The following LRBA variants were observed in gnomAD, a reference collection of about 807,000 sequenced individuals.
LRBA encodes the protein LPS responsive beige-like anchor protein.
Under a neutral mutation model 330.0 loss-of-function variants are expected in LRBA, and 176 were observed. That is an observed-to-expected ratio of 0.53 (90% CI 0.47 to 0.60). The LOEUF (loss-of-function observed/expected upper bound fraction) is 0.60, where lower values mean the gene tolerates loss of function less well. LRBA is among the 20% of genes least tolerant of loss of function. The pLI is 0.00. For synonymous variants in LRBA, 1,230 were observed against 1,193.0 expected, an observed-to-expected ratio of 1.03 and a Z score of -0.64; for missense variants, 3,259 against 3,444.8, an observed-to-expected ratio of 0.95 and a Z score of 1.35.
chr4:150,284,513 CTGAGTA>C (rs1256514245), intron 54 of LRBA, among the ~76,000 whole-genome samples: 1 of 152,046 alleles, frequency 6.6e-6, no homozygotes, highest in Non-Finnish European at 1.5e-5. Context: ...ATATGTATAA[CTGAGTA>C]TGAGTTTTTA....
chr4:150,730,379 C>T (rs893994314), intron 36 of LRBA, among the ~76,000 whole-genome samples: 3 of 152,038 alleles, frequency 2.0e-5, no homozygotes, highest in Non-Finnish European at 2.9e-5. Context: ...AAATGGCAAA[C>T]AGGCACATGA....
intron 37 of LRBA, among the ~76,000 whole-genome samples, chr4:150,617,730 T>C (rs1277566711): frequency 3.3e-5 from 5 of 152,188 alleles, no homozygotes; most frequent in African/African-American, 1.2e-4. Flanking sequence ...ACAGAAGCCA[T>C]ATAGGCTACG....
intron 37 of LRBA, among the ~76,000 whole-genome samples, chr4:150,626,244 AT>A (rs1776852592): frequency 6.6e-6 from 1 of 152,126 alleles, no homozygotes. Context: ...AAGTTGTTTG[AT>A]TAGACCCTTC....
At chr4:150,744,096 T>C (rs1010736470) in intron 35 of LRBA, among the ~76,000 whole-genome samples, 3 of 152,288 alleles carry the variant, frequency 2.0e-5, no homozygotes, top group African/African-American at 7.2e-5. Context: ...ACAGTACTCA[T>C]TTAGGCATTA....
chr4:150,476,391 G>A (rs1183427518), intron 42 of LRBA, among the ~76,000 whole-genome samples: 3 of 152,084 alleles, frequency 2.0e-5, no homozygotes, highest in Non-Finnish European at 2.9e-5. Flanking sequence ...TAGCTACATG[G>A]CAGAGACATG....
chr4:150,726,275 C>A (rs1339505872), intron 36 of LRBA, among the ~76,000 whole-genome samples: 1 of 152,154 alleles, frequency 6.6e-6, no homozygotes, highest in East Asian at 1.9e-4. Flanking sequence ...TAAAGTTACA[C>A]ATAGACTGAA....
chr4:150,516,246 T>G, intron 40 of LRBA, among the ~76,000 whole-genome samples: 1 of 121,528 alleles, frequency 8.2e-6, no homozygotes, highest in Non-Finnish European at 1.7e-5. Flanking sequence ...TTTTTTTTGC[T>G]AAGTACCTGT....
At chr4:150,393,578 G>C (rs1206010326) in intron 47 of LRBA, among the ~76,000 whole-genome samples, 2 of 150,666 alleles carry the variant, frequency 1.3e-5, no homozygotes, top group Non-Finnish European at 3.0e-5. Flanking sequence ...TCAAACTCCT[G>C]GGCTCAAGTG....
chr4:150,277,066 C>T (rs1259697650), intron 56 of LRBA, among the ~76,000 whole-genome samples: 3 of 152,210 alleles, frequency 2.0e-5, no homozygotes, highest in Non-Finnish European at 4.4e-5. Context: ...AAATGTGGCA[C>T]ATATACGCCA....
Position 150,358,471 on chromosome 4 carries a change from A to G in LRBA, c.7195-8312T>C, listed in dbSNP as rs185026444. 2.6e-5 allele frequency among the ~76,000 whole-genome samples: 4 copies of G among 152,238 alleles called. No individual in the cohort carries two copies. In the East Asian group the frequency reaches 7.7e-4, roughly 29 times the overall value. ...CATCAAAAACTTCCAAATTCCAAAC[A>G]TGATGCTGTAATATTTATAGACATT... On this transcript the variant is annotated intron_variant, in intron 47 of 56. Transcript: ENST00000651943.
At chr4:150,427,430 T>C (rs1749784338) in intron 46 of LRBA, among the ~76,000 whole-genome samples, 1 of 151,978 alleles carries the variant, frequency 6.6e-6, no homozygotes, top group African/African-American at 2.4e-5. Context: ...TTTAACCTAC[T>C]GATACTTGAA....
chr4:150,657,625 C>G (rs148380551), intron 37 of LRBA, among the ~76,000 whole-genome samples: 1 of 151,634 alleles, frequency 6.6e-6, no homozygotes, highest in South Asian at 2.1e-4. Flanking sequence ...ACAGTTTCCC[C>G]AAAACTAAGA....
intron 2 of LRBA, among the ~76,000 whole-genome samples, chr4:151,004,674 G>C (rs1743799208): frequency 6.6e-6 from 1 of 152,234 alleles, no homozygotes; most frequent in African/African-American, 2.4e-5. Context: ...TAATATATTA[G>C]AAGATAAATC....
intron 48 of LRBA, among the ~76,000 whole-genome samples, chr4:150,328,262 G>T (rs1234818861): frequency 6.6e-6 from 1 of 152,180 alleles, no homozygotes; most frequent in East Asian, 1.9e-4. Context: ...CAGACACATG[G>T]AATCCAACGT....
intron 47 of LRBA, among the ~76,000 whole-genome samples, chr4:150,370,710 G>A (rs913337433): frequency 2.6e-5 from 4 of 152,212 alleles, no homozygotes; most frequent in Middle Eastern, 3.4e-3. Context: ...TTATAACACA[G>A]TAAGTGTACC....
intron 31 of LRBA, among the ~76,000 whole-genome samples, chr4:150,809,897 TACGATACGATACGATACGATACGATAC>T (rs1560850132): frequency 6.6e-6 from 1 of 150,996 alleles, no homozygotes; most frequent in African/African-American, 2.4e-5. Context: ...TACGATACGA[TACGATACGATACGATACGATACGATAC>T]GATACGATAC....
intron 36 of LRBA, among the ~76,000 whole-genome samples, chr4:150,698,001 G>A (rs1784791082): frequency 6.6e-6 from 1 of 152,112 alleles, no homozygotes; most frequent in South Asian, 2.1e-4. Flanking sequence ...AAGGTAAGTA[G>A]AAGGAAACTA....
At chr4:150,541,132 A>G (rs1312971678) in intron 40 of LRBA, among the ~76,000 whole-genome samples, 1 of 152,214 alleles carries the variant, frequency 6.6e-6, no homozygotes, top group African/African-American at 2.4e-5. Context: ...CAATGGCTCA[A>G]ATAGTATAAA....
chr4:150,844,412 C>A (rs1360406991), intron 27 of LRBA, among the ~76,000 whole-genome samples: 1 of 151,760 alleles, frequency 6.6e-6, no homozygotes, highest in Non-Finnish European at 1.5e-5. Context: ...GAAAAAATGA[C>A]ATATTTGAAG....
Sources: allele counts gnomAD v4.1 joint callset (sites outside exome capture counted in the v4.1 genomes callset), GRCh38; gene constraint gnomAD v4.1.1; transcripts MANE v1.5; gene names NCBI Gene and HGNC (gene_info 2026-07-23, HGNC 2026-07-21).